Variants in MORC3 observed in about 807,000 individuals in gnomAD.
The protein encoded by MORC3 is MORC family CW-type zinc finger 3, also known as MORC family CW-type zinc finger protein 3.
MORC3 carries 31 observed loss-of-function variants against 109.1 expected under a neutral mutation model. That is an observed-to-expected ratio of 0.28 (90% CI 0.21 to 0.38). The LOEUF is 0.38. MORC3 is among the 10% of genes least tolerant of loss of function. The probability of loss-of-function intolerance (pLI) is 1.00; values close to 1 mark genes in which losing one functional copy is unlikely to be tolerated. For missense variants in MORC3, 867 were observed against 1,135.8 expected (o/e 0.76, Z 3.40); for synonymous variants, 395 against 380.7 (o/e 1.04, Z -0.44).
In MORC3 at chr21:36,367,957, C is replaced by T. The variant is rs77043107; in HGVS notation, c.1620-1031C>T. 5.7e-3 allele frequency among the ~76,000 whole-genome samples: 873 copies of T among 152,206 alleles called. 6 individuals carry two copies. The highest frequency in any genetic ancestry group is 0.019 in the African/African-American group (793 of 41,542). ...GATGTTTTCATCATGCAAAACTTTG[C>T]GTTTGTTATGTTCTGTGTACCCTTC... On this transcript the variant is annotated intron_variant, in intron 14 of 16. Coordinates refer to ENST00000400485, the MANE Select transcript of MORC3 (RefSeq NM_015358.3).
chr21:36,369,260 G>A lies in MORC3; in HGVS notation c.1892G>A (p.Arg631Gln), dbSNP rs371940355. 2.0e-5 allele frequency: 32 copies of A among 1,613,986 alleles called. No homozygotes were observed. Among genetic ancestry groups the A allele is most frequent in the South Asian group, 1.1e-4 (10 of 91,070 alleles). ...GGTTCAACAAGCACCTCATCATCCC[G>A]ATGCGACCAGGGAAATACTGCAGCT... The part of the protein sequence containing the change: ...QTGSTSTSSS[R>Q]CDQGNTAATQ... The change falls in exon 15 of 17, where the codon CGA (arginine) becomes CAA (glutamine). Residue 631 changes from arginine (R) to glutamine (Q), a missense_variant. Arg to Gln is a conservative substitution (Grantham distance 43). Transcript: ENST00000400485.
At chr21:36,346,819 A>G (rs892719878) in intron 8 of MORC3, among the ~76,000 whole-genome samples, 3 of 151,238 alleles carry the variant, frequency 2.0e-5, no homozygotes, top group Non-Finnish European at 4.4e-5. Flanking sequence ...AAACAAACAA[A>G]CAAACAAAAA....
rs556107320 is a variant in MORC3, at chr21:36,349,151, CTG to C, written c.1006-158_1006-157del. On this transcript the variant is annotated intron_variant, in intron 8 of 16. Transcript: ENST00000400485. ...CCAGCCTGGGTGACCAAATGAGACT[CTG>C]TCTCAAAAAAATAAAAACAAATAAA... Among the ~76,000 whole-genome samples, 3 of 151,484 alleles carry C rather than the reference CTG, an allele frequency of 2.0e-5. No individual in the cohort carries two copies. The East Asian group carries it at 5.8e-4, about 29-fold the overall frequency.
intron 1 of MORC3, among the ~76,000 whole-genome samples, chr21:36,327,031 T>C (rs998410246): frequency 3.3e-5 from 5 of 151,814 alleles, no homozygotes; most frequent in Non-Finnish European, 7.4e-5. Flanking sequence ...CCCAGGCTGG[T>C]CTTGAACTCT....
At chr21:36,362,054 G>T in intron 12 of MORC3, 129 bp from the exon 13 acceptor site, 4 of 986,860 alleles carry the variant, frequency 4.1e-6, no homozygotes, top group Non-Finnish European at 4.7e-6. Context: ...ATTTCCTGAA[G>T]GGCTTACTGT....
chr21:36,374,608 T>C (rs1341817934), intron 16 of MORC3, among the ~76,000 whole-genome samples: 2 of 152,112 alleles, frequency 1.3e-5, no homozygotes, highest in Admixed American at 1.3e-4. Flanking sequence ...CTGGGCAATA[T>C]AGTGAAACCC....
chr21:36,344,474 AATTG>A (rs2085486164), intron 6 of MORC3, 101 bp from the exon 7 acceptor site: 2 of 1,286,382 alleles, frequency 1.6e-6, no homozygotes, highest in African/African-American at 1.5e-5. Context: ...TTGAAGAGTT[AATTG>A]ATCTTTTATC....
intron 1 of MORC3, among the ~76,000 whole-genome samples, chr21:36,333,008 C>T (rs995455585): frequency 2.6e-5 from 4 of 152,042 alleles, no homozygotes; most frequent in Non-Finnish European, 4.4e-5. Flanking sequence ...AGGATGGTCT[C>T]GATCTCCTGA....
Position 36,369,331 on chromosome 21 carries a change from G to A in MORC3, c.1963G>A (p.Val655Ile). ...TTTAGTTGTTAAAAAAGAAGAAACT[G>A]TTGAAGACGAGATAGACGTAAGAAA... ...PSLVVKKEET[V>I]EDEIDVRNDA... Residue 655 changes from valine to isoleucine, a missense_variant, in exon 15 of 17, where the codon GTT becomes ATT. Val to Ile is a conservative substitution (Grantham distance 29). This residue lies in a region of MORC3 where 486 missense variants were observed against 502.1 expected (regional missense o/e 0.97). Transcript: ENST00000400485. 1 of 1,614,152 alleles carries A rather than the reference G, an allele frequency of 6.2e-7. No homozygotes were observed. Among genetic ancestry groups the A allele is most frequent in the Non-Finnish European group, 8.5e-7 (1 of 1,180,040 alleles).
chr21:36,367,797 A>G (rs1277397981), intron 14 of MORC3, among the ~76,000 whole-genome samples: 1 of 152,244 alleles, frequency 6.6e-6, no homozygotes, highest in Non-Finnish European at 1.5e-5. Context: ...GCAAGAGATG[A>G]GGAATTAGAA....
intron 14 of MORC3, 112 bp from the exon 15 acceptor site, chr21:36,368,876 C>CA (rs1214914101): frequency 1.8e-6 from 2 of 1,116,022 alleles, no homozygotes; most frequent in Admixed American, 5.7e-5. Flanking sequence ...CACTCCATCT[C>CA]AAAAAACAAA....
At position 36,340,291 on chromosome 21, in the gene MORC3, A is replaced by G. The variant is rs1225615059; in HGVS notation, c.609-1108A>G. ...AGACTCTGTCTCAAAAAAAAAAAAA[A>G]AAACTATAGTACAGTAGTACTATTG... On this transcript the variant is annotated intron_variant, in intron 5 of 16. Transcript: ENST00000400485. Among the ~76,000 whole-genome samples, 3 of 151,776 alleles carry G rather than the reference A, an allele frequency of 2.0e-5. No homozygotes were observed. In the South Asian group the frequency reaches 6.3e-4, roughly 32 times the overall value.
chr21:36,364,310 TA>T, intron 14 of MORC3, 51 bp downstream of exon 14: 5 of 1,554,560 alleles, frequency 3.2e-6, no homozygotes, highest in Non-Finnish European at 4.4e-6. Flanking sequence ...ACAGAGCTTT[TA>T]CTTGACACTT....
intron 1 of MORC3, among the ~76,000 whole-genome samples, chr21:36,331,687 C>T (rs918437804): frequency 1.3e-5 from 2 of 152,050 alleles, no homozygotes; most frequent in African/African-American, 4.8e-5. Context: ...AAGAGAGTTC[C>T]CAATAGCATG....
chr21:36,338,642 A>C, intron 4 of MORC3, 132 bp from the exon 5 acceptor site: 4 of 878,556 alleles, frequency 4.6e-6, no homozygotes, highest in South Asian at 4.1e-5. Flanking sequence ...GTGAGACCCT[A>C]TCTCACAAAA....
chr21:36,344,446 G>T, intron 6 of MORC3, 133 bp from the exon 7 acceptor site: 1 of 1,068,450 alleles, frequency 9.4e-7, no homozygotes, highest in South Asian at 1.7e-5. Flanking sequence ...ATAACATACA[G>T]CTTTATAGCC....
chr21:36,375,036 T>C (rs2085914501), intron 16 of MORC3, 107 bp from the exon 17 acceptor site: 2 of 1,164,598 alleles, frequency 1.7e-6, no homozygotes, highest in Non-Finnish European at 2.4e-6. Flanking sequence ...TTTTGTTTAA[T>C]TGTATATTAT....
intron 1 of MORC3, among the ~76,000 whole-genome samples, chr21:36,328,978 A>C (rs1483106285): frequency 6.6e-6 from 1 of 151,964 alleles, no homozygotes; most frequent in East Asian, 1.9e-4. Context: ...AAAATCACGA[A>C]AGAAACTTCA....
chr21:36,349,480 A>C (rs892633461), intron 9 of MORC3, 72 bp downstream of exon 9: 1 of 958,552 alleles, frequency 1.0e-6, no homozygotes, highest in Non-Finnish European at 1.5e-6. Context: ...GAACTACTCT[A>C]TTTTCTGTGA....
Sources: allele counts gnomAD v4.1 joint callset (sites outside exome capture counted in the v4.1 genomes callset), GRCh38; gene constraint gnomAD v4.1.1; regional missense constraint gnomAD v4.1.1; transcripts MANE v1.5; gene names NCBI Gene and HGNC (gene_info 2026-07-23, HGNC 2026-07-21).